The following ALK variants were observed in gnomAD, a reference collection of about 807,000 sequenced individuals.
ALK encodes ALK receptor tyrosine kinase.
ALK carries 74 observed loss-of-function variants against 163.1 expected under a neutral mutation model. The ratio of observed to expected loss-of-function variants is 0.45; its 90% CI spans 0.38 to 0.55. ALK has a LOEUF of 0.55. Among genes scored for constraint, ALK ranks in the 20% least tolerant of loss-of-function variants. ALK has a pLI of 0.00. For synonymous variants in ALK, 960 were observed against 843.2 expected (o/e 1.14, Z -2.40); for missense variants, 2,063 against 2,105.3 (o/e 0.98, Z 0.39).
intron 3 of ALK, among the ~76,000 whole-genome samples, chr2:29,650,903 C>T (rs1677018950): frequency 6.6e-6 from 1 of 152,120 alleles, no homozygotes; most frequent in South Asian, 2.1e-4. Context: ...AATGCTGATG[C>T]TCTCCAGATG....
At chr2:29,338,509 TC>T (rs1352849696) in intron 5 of ALK, among the ~76,000 whole-genome samples, 1 of 152,226 alleles carries the variant, frequency 6.6e-6, no homozygotes, top group Non-Finnish European at 1.5e-5. Context: ...ATCATCTTGA[TC>T]TCAACAATTC....
chr2:29,671,652 G>T (rs13425438), intron 3 of ALK, among the ~76,000 whole-genome samples: 10,129 of 152,020 alleles, frequency 0.067, 1,034 homozygotes, highest in African/African-American at 0.22. Context: ...TTGTGGGGTA[G>T]GGGTGTCACA....
intron 1 of ALK, among the ~76,000 whole-genome samples, chr2:29,879,127 C>G (rs1191781633): frequency 6.6e-6 from 1 of 152,124 alleles, no homozygotes; most frequent in Non-Finnish European, 1.5e-5. Context: ...CTGCGTGGTA[C>G]TAAAGGGCTA....
chr2:29,911,832 G>A (rs994867994), intron 1 of ALK, among the ~76,000 whole-genome samples: 1 of 152,222 alleles, frequency 6.6e-6, no homozygotes, highest in African/African-American at 2.4e-5. Context: ...TCATCCAGAT[G>A]TTGGAATTAT....
intron 1 of ALK, among the ~76,000 whole-genome samples, chr2:29,850,786 T>C (rs1052299154): frequency 6.6e-6 from 1 of 152,204 alleles, no homozygotes; most frequent in African/African-American, 2.4e-5. Flanking sequence ...AGAAATCCTT[T>C]GCTCATCTCT....
intron 3 of ALK, among the ~76,000 whole-genome samples, chr2:29,690,236 T>C (rs1328409192): frequency 6.6e-6 from 1 of 152,116 alleles, no homozygotes; most frequent in Non-Finnish European, 1.5e-5. Context: ...TGAAGCCATC[T>C]TGATGAACAG....
At chr2:29,390,010 C>A (rs1189472968) in intron 4 of ALK, among the ~76,000 whole-genome samples, 1 of 152,164 alleles carries the variant, frequency 6.6e-6, no homozygotes, top group Non-Finnish European at 1.5e-5. Context: ...CCTACAGCAG[C>A]ATTAATAATA....
chr2:29,425,124 T>G (rs1217333054), intron 4 of ALK, among the ~76,000 whole-genome samples: 3 of 152,098 alleles, frequency 2.0e-5, no homozygotes, highest in African/African-American at 7.2e-5. Context: ...ACACAATCAC[T>G]TAAAGTCTTT....
chr2:29,798,070 A>C (rs919493672), intron 1 of ALK, among the ~76,000 whole-genome samples: 1 of 152,176 alleles, frequency 6.6e-6, no homozygotes, highest in Admixed American at 6.5e-5. Flanking sequence ...GTTGCCATCA[A>C]CTACGATCCC....
chr2:29,779,422 T>G (rs1208200184), intron 1 of ALK, among the ~76,000 whole-genome samples: 1 of 152,140 alleles, frequency 6.6e-6, no homozygotes, highest in African/African-American at 2.4e-5. Context: ...GATAAAAAGG[T>G]GTGCACTTTC....
intron 1 of ALK, among the ~76,000 whole-genome samples, chr2:29,783,977 C>T (rs2148352390): frequency 6.6e-6 from 1 of 152,218 alleles, no homozygotes; most frequent in Non-Finnish European, 1.5e-5. Flanking sequence ...CTGAGAAACT[C>T]CAAGGGCTAC....
At chr2:29,257,427 C>A (rs994960816) in intron 11 of ALK, among the ~76,000 whole-genome samples, 1 of 151,836 alleles carries the variant, frequency 6.6e-6, no homozygotes, top group African/African-American at 2.4e-5. Flanking sequence ...CATTGTAGCA[C>A]CCTCCAAGAA....
In ALK at chr2:29,583,441, C is replaced by T. The variant is rs115128892; in HGVS notation, c.953-51325G>A. On this transcript the variant is annotated intron_variant, in intron 3 of 28. Transcript: ENST00000389048. Reference sequence around the variant, plus strand: ...TGTCTCTGTTAATTCAAGAGAGCTTCCCCAATGCAACCGAACTCCTGGCTA... The same window carrying T: ...TGTCTCTGTTAATTCAAGAGAGCTTTCCCAATGCAACCGAACTCCTGGCTA... Among the ~76,000 whole-genome samples, 904 of 152,202 alleles carry T rather than the reference C, an allele frequency of 5.9e-3. 12 individuals are homozygous for T. The highest frequency in any genetic ancestry group is 0.019 in the African/African-American group (806 of 41,526).
chr2:29,200,752 CGTATATATGTAT>C (rs1332031018), intron 26 of ALK, among the ~76,000 whole-genome samples: 3 of 67,320 alleles, frequency 4.5e-5, no homozygotes, highest in Non-Finnish European at 8.9e-5. Flanking sequence ...TATATATATA[CGTATATATGTAT>C]ATATATACGT....
At chr2:29,440,387 G>A (rs977373234) in intron 4 of ALK, among the ~76,000 whole-genome samples, 7 of 142,232 alleles carry the variant, frequency 4.9e-5, no homozygotes, top group Admixed American at 1.5e-4. Flanking sequence ...TGCGATCTCC[G>A]CTCACTATAA....
chr2:29,416,945 A>G (rs1465915033), intron 4 of ALK, among the ~76,000 whole-genome samples: 1 of 151,682 alleles, frequency 6.6e-6, no homozygotes, highest in Non-Finnish European at 1.5e-5. Flanking sequence ...TTAAAAAAAA[A>G]ATGAGTGAAC....
At chr2:29,453,560 G>GA (rs1298526178) in intron 4 of ALK, among the ~76,000 whole-genome samples, 1 of 151,392 alleles carries the variant, frequency 6.6e-6, no homozygotes, top group African/African-American at 2.4e-5. Flanking sequence ...TCTTTTTTTT[G>GA]AAAAAAATAC....
chr2:29,513,559 T>C (rs1477191427), intron 4 of ALK, among the ~76,000 whole-genome samples: 1 of 151,872 alleles, frequency 6.6e-6, no homozygotes, highest in East Asian at 1.9e-4. Flanking sequence ...GAAGAAAACC[T>C]AGGCATTACC....
rs569746363 is a variant in ALK, at chr2:29,501,117, C to G, written c.1154+30798G>C. Among the ~76,000 whole-genome samples, 7 of 152,254 alleles carry G rather than the reference C, an allele frequency of 4.6e-5. No homozygotes were observed. In the South Asian group the frequency reaches 1.5e-3, roughly 32 times the overall value. On this transcript the variant is annotated intron_variant, in intron 4 of 28. Transcript: ENST00000389048. ...CCTCTGATGCATGGGGAGAAGAACT[C>G]CCCCAGCTCATCCTTCCAAGCCCTT...
Sources: allele counts gnomAD v4.1 joint callset (sites outside exome capture counted in the v4.1 genomes callset), GRCh38; gene constraint gnomAD v4.1.1; transcripts MANE v1.5; gene names NCBI Gene and HGNC (gene_info 2026-07-23, HGNC 2026-07-21).